EIF3I: variants seen among roughly 807,000 people sequenced by gnomAD.
EIF3I encodes TGF-beta receptor-interacting protein 1.
In EIF3I, 20 loss-of-function variants were observed where a neutral mutation model predicts 43.3. That is an observed-to-expected ratio of 0.46 (90% CI 0.32 to 0.67). The LOEUF is 0.67. EIF3I is among the 30% of genes least tolerant of loss of function. The pLI is 0.03. For missense variants in EIF3I, 279 were observed against 421.4 expected, an observed-to-expected ratio of 0.66 and a Z score of 2.96; for synonymous variants, 167 against 151.7, an observed-to-expected ratio of 1.10 and a Z score of -0.74.
At chr1:32,231,316 C>A in exon 12 of EIF3I, 2 of 876,194 alleles carry the variant, frequency 2.3e-6, no homozygotes, top group East Asian at 5.4e-5. Flanking sequence ...CATGGAGAAA[C>A]CTCGTCTCTA....
downstream of EIF3I, among the ~76,000 whole-genome samples, chr1:32,232,977 ACTT>A (rs1485244318): frequency 1.3e-5 from 2 of 151,890 alleles, no homozygotes; most frequent in Non-Finnish European, 2.9e-5. Flanking sequence ...TAAAAATACC[ACTT>A]CTTTTATTTA....
intron 9 of EIF3I, among the ~76,000 whole-genome samples, chr1:32,229,539 T>C (rs1029077788): frequency 2.8e-4 from 40 of 142,374 alleles, no homozygotes; most frequent in African/African-American, 9.5e-4. Flanking sequence ...TGAGCCACCG[T>C]GCCCAGCCTT....
intron 9 of EIF3I, among the ~76,000 whole-genome samples, chr1:32,229,910 A>G (rs367853895): frequency 8.5e-5 from 13 of 152,194 alleles, no homozygotes; most frequent in African/African-American, 3.1e-4. Context: ...ATGACAATAT[A>G]CTTAACATAA....
downstream of EIF3I, among the ~76,000 whole-genome samples, chr1:32,233,436 G>C (rs761597862): frequency 1.1e-4 from 16 of 152,262 alleles, no homozygotes; most frequent in South Asian, 1.0e-3. Flanking sequence ...TTACAGGTGT[G>C]AGCCACCGTG....
exon 12 of EIF3I, chr1:32,231,192 C>T (rs2124269839): frequency 1.2e-6 from 2 of 1,613,554 alleles, no homozygotes; most frequent in Non-Finnish European, 1.7e-6. Flanking sequence ...GAGTTTGAGG[C>T]TTAAGAAGCT....
intron 4 of EIF3I, among the ~76,000 whole-genome samples, chr1:32,225,191 G>T (rs1160093226): frequency 6.6e-6 from 1 of 151,954 alleles, no homozygotes; most frequent in Admixed American, 6.6e-5. Context: ...GGCCAGGCTG[G>T]TCTCGAACTC....
chr1:32,222,459 T>C lies in EIF3I; in HGVS notation c.3+15T>C. The C allele has an allele frequency of 3.1e-6, 5 of 1,607,698 alleles. No individual in the cohort carries two copies. Among genetic ancestry groups the C allele is most frequent in the African/African-American group, 1.3e-5 (1 of 74,876 alleles). On this transcript the variant is annotated intron_variant, in intron 1 of 11. Coordinates refer to ENST00000676679, the Ensembl canonical transcript of EIF3I. ...CAGCCGGGATGGTGAGTTTCAGAGT[T>C]AGGGGTATTGCAGTGGGGGTCCTGG...
At chr1:32,228,511 T>C in exon 7 of EIF3I, 1 of 1,614,096 alleles carries the variant, frequency 6.2e-7, no homozygotes, top group Non-Finnish European at 8.5e-7. Flanking sequence ...TGGAGAGGTG[T>C]TGGTGAATGT....
rs371190286 is a variant in EIF3I at position 32,228,719 on chromosome 1, C to G, written c.640-8C>G. ...TTTACAGATTTCCCCCCTGCCTTCTCTCTCCAGCTTTTTGACTCCACAACT... is the reference window on the plus strand; with the variant it reads ...TTTACAGATTTCCCCCCTGCCTTCTGTCTCCAGCTTTTTGACTCCACAACT... On this transcript the variant is annotated splice_polypyrimidine_tract_variant and splice_region_variant and intron_variant, in intron 7 of 11. Transcript: ENST00000676679. 2 of 1,613,648 alleles carry G rather than the reference C, an allele frequency of 1.2e-6. No homozygotes were observed. Among genetic ancestry groups the G allele is most frequent in the Non-Finnish European group, 8.5e-7 (1 of 1,179,592 alleles).
At chr1:32,226,570 T>A in intron 6 of EIF3I, 40 bp downstream of exon 6, 4 of 1,298,674 alleles carry the variant, frequency 3.1e-6, no homozygotes, top group Non-Finnish European at 4.0e-6. Flanking sequence ...CAGAATAATT[T>A]TTTTTTTTTT....
exon 8 of EIF3I, chr1:32,228,804 C>T: frequency 1.9e-6 from 3 of 1,613,736 alleles, no homozygotes; most frequent in Non-Finnish European, 2.5e-6. Flanking sequence ...CCCTCTCCCC[C>T]AACTATGACC....
intron 6 of EIF3I, among the ~76,000 whole-genome samples, chr1:32,226,965 T>C (rs918069881): frequency 6.6e-6 from 1 of 150,892 alleles, no homozygotes; most frequent in Non-Finnish European, 1.5e-5. Context: ...CTTGAGTAGC[T>C]GGGACTATAG....
At chr1:32,226,206 G>A (rs1422638149) in exon 5 of EIF3I, 1 of 1,614,104 alleles carries the variant, frequency 6.2e-7, no homozygotes, top group Non-Finnish European at 8.5e-7. Flanking sequence ...CAATTCGGCT[G>A]TCCGGACCTG....
exon 1 of EIF3I, chr1:32,222,425 C>G: frequency 6.3e-7 from 1 of 1,594,558 alleles, no homozygotes; most frequent in Non-Finnish European, 8.6e-7. Flanking sequence ...TGCGGCCTTC[C>G]TCGCGTCACA....
chr1:32,236,160 T>A (rs1386764482), downstream of EIF3I, among the ~76,000 whole-genome samples: 1 of 152,186 alleles, frequency 6.6e-6, no homozygotes, highest in Non-Finnish European at 1.5e-5. Flanking sequence ...AAACAATTCA[T>A]AAGTTTTAAA....
chr1:32,233,963 A>G (rs1299158312), downstream of EIF3I: 1 of 152,110 alleles, frequency 6.6e-6, no homozygotes, highest in Admixed American at 6.6e-5. Context: ...GTTTTCCTAA[A>G]AGACAAACCC....
chr1:32,227,275 TAAAAAA>T (rs1005926284), intron 6 of EIF3I, among the ~76,000 whole-genome samples: 1 of 55,424 alleles, frequency 1.8e-5, no homozygotes, highest in Non-Finnish European at 3.8e-5. Context: ...ACCCTGTCTC[TAAAAAA>T]AAAAAAAAAA....
At chr1:32,231,438 C>T, downstream of EIF3I, 1 of 429,316 alleles carries the variant, frequency 2.3e-6, no homozygotes, top group South Asian at 2.2e-5. Flanking sequence ...TTGCAGTGAG[C>T]TGAGATCACG....
At chr1:32,222,495 G>T in intron 1 of EIF3I, 43 bp from the exon 2 acceptor site, 1 of 1,613,128 alleles carries the variant, frequency 6.2e-7, no homozygotes, top group Non-Finnish European at 8.5e-7. Flanking sequence ...GCTGAGGCTG[G>T]GGCCCAATTC....
Sources: gnomAD v4.1 joint callset for allele counts (sites outside exome capture counted in the v4.1 genomes callset) on GRCh38, gnomAD v4.1.1 for gene constraint, MANE v1.5 for transcripts, NCBI Gene and HGNC (gene_info 2026-07-23, HGNC 2026-07-21) for gene names.